Variants in SLC15A2 observed in about 807,000 individuals in gnomAD.
SLC15A2 encodes the protein solute carrier family 15 member 2.
Under a neutral mutation model 95.5 loss-of-function variants are expected in SLC15A2, and 77 were observed. The observed-to-expected ratio is 0.81, with a 90% CI of 0.67 to 0.97. The LOEUF is 0.97. SLC15A2 is among the 50% of genes least tolerant of loss of function. The pLI is 0.00. For missense variants in SLC15A2, 893 were observed against 874.4 expected (o/e 1.02, Z -0.27); for synonymous variants, 306 against 306.9 (o/e 1.00, Z 0.03).
chr3:121,899,010 G>C (rs1043515283), intron 3 of SLC15A2, among the ~76,000 whole-genome samples: 4 of 152,138 alleles, frequency 2.6e-5, no homozygotes, highest in Admixed American at 2.6e-4. Context: ...AGTTTATCTA[G>C]ATAGGAGATT....
intron 3 of SLC15A2, among the ~76,000 whole-genome samples, chr3:121,906,403 G>T (rs900932521): frequency 2.0e-5 from 3 of 152,210 alleles, no homozygotes; most frequent in South Asian, 2.1e-4. Context: ...CAATCATTAT[G>T]ATGTTAGCTG....
intron 21 of SLC15A2, 52 bp downstream of exon 21, chr3:121,940,540 C>G (rs751858564): frequency 7.1e-7 from 1 of 1,415,762 alleles, no homozygotes; most frequent in Non-Finnish European, 1.0e-6. Context: ...TTTCCTCCAG[C>G]TTTCTCTTCT....
chr3:121,894,660 C>A, intron 1 of SLC15A2, 79 bp downstream of exon 1: 1 of 1,073,352 alleles, frequency 9.3e-7, no homozygotes, highest in Non-Finnish European at 1.4e-6. Context: ...TCTGGAGCTT[C>A]CAGCTGAGCT....
At chr3:121,921,601 G>A (rs1165683705) in intron 7 of SLC15A2, among the ~76,000 whole-genome samples, 2 of 152,236 alleles carry the variant, frequency 1.3e-5, no homozygotes, top group South Asian at 2.1e-4. Context: ...ATAACCATTA[G>A]GATAACAATG....
In SLC15A2 at chr3:121,942,520, C is replaced by G. The variant is rs1710480615; in HGVS notation, c.*1513C>G. On this transcript the variant is annotated 3_prime_UTR_variant, in exon 22 of 22. Coordinates refer to ENST00000489711, the MANE Select transcript of SLC15A2 (RefSeq NM_021082.4). ...CTGTTAACAGGTAAGAGAAATTGCT[C>G]TAAGTGCCCAAACTTTATATACTTC... 6.6e-6 allele frequency: 1 copy of G among 152,170 alleles called. No homozygotes were observed. Among genetic ancestry groups the G allele is most frequent in the Non-Finnish European group, 1.5e-5 (1 of 68,022 alleles). 9.4% of individuals were successfully genotyped at this position (152,170 alleles called of 1,614,324 possible).
intron 5 of SLC15A2, among the ~76,000 whole-genome samples, chr3:121,914,668 A>G (rs1709845152): frequency 6.6e-6 from 1 of 152,194 alleles, no homozygotes; most frequent in South Asian, 2.1e-4. Flanking sequence ...ATGCTGTGCT[A>G]GGTATTGGTG....
chr3:121,917,603 G>C (rs4118376), intron 7 of SLC15A2, among the ~76,000 whole-genome samples: 1 of 151,940 alleles, frequency 6.6e-6, no homozygotes, highest in South Asian at 2.1e-4. Flanking sequence ...TGGGAGGATC[G>C]CTTGAGCCCA....
At chr3:121,922,966 A>G (rs1710037414) in intron 9 of SLC15A2, 74 bp from the exon 10 acceptor site, 1 of 1,557,506 alleles carries the variant, frequency 6.4e-7, no homozygotes, top group South Asian at 1.1e-5. Context: ...TGTTTTTTGG[A>G]CACTTCTACT....
At chr3:121,908,478 C>G (rs1279422051) in intron 3 of SLC15A2, among the ~76,000 whole-genome samples, 1 of 152,196 alleles carries the variant, frequency 6.6e-6, no homozygotes, top group Non-Finnish European at 1.5e-5. Context: ...ACGCTGGGAG[C>G]TACAGACCGG....
rs146005918 is a variant in SLC15A2 at position 121,915,578 on chromosome 3, T to G, written c.620-38T>G. On this transcript the variant is annotated intron_variant, in intron 6 of 21. Transcript: ENST00000489711. ...GAATAAAACATCAAATATTCAAGAC[T>G]CAGAGTTACTTTCCTCCTCCCATCC... 716 of 1,458,588 alleles carry G rather than the reference T, an allele frequency of 4.9e-4. 4 individuals are homozygous for G. The African/African-American group carries it at 8.9e-3, about 18-fold the overall frequency. 90.4% of individuals were successfully genotyped at this position (1,458,588 alleles called of 1,614,324 possible).
chr3:121,922,311 A>G lies in SLC15A2; in HGVS notation c.780+9A>G, dbSNP rs1381632797. On this transcript the variant is annotated intron_variant, in intron 8 of 21. Transcript: ENST00000489711. The stretch of plus-strand genomic sequence containing the variant: ...TTTTCAAATGTATCTGGGTAAGTCC[A>G]TAAATTGTTTTCTTGCCTTTTTCAA... 2 of 1,610,958 alleles carry G rather than the reference A, an allele frequency of 1.2e-6. No individual in the cohort carries two copies. The highest frequency in any genetic ancestry group is 4.5e-5 in the East Asian group (2 of 44,850).
rs1216160197 is a variant in SLC15A2, at chr3:121,922,220, T to C, written c.698T>C (p.Val233Ala). The C allele has an allele frequency of 6.2e-7, 1 of 1,613,192 alleles. No individual in the cohort carries two copies. Among genetic ancestry groups the C allele is most frequent in the Non-Finnish European group, 8.5e-7 (1 of 1,179,364 alleles). Residue 233 changes from valine to alanine, a missense_variant and splice_region_variant, in exon 8 of 22, where the codon GTT becomes GCT. Coordinates refer to ENST00000489711, the MANE Select transcript of SLC15A2 (RefSeq NM_021082.4). ...AACCTTGTTTGTGTATCAACTGCAG[T>C]TGTGTTTGCAATGGGAAGCAAAATA... Reference protein sequence around the residue: ...VPGLLMVIALVVFAMGSKIYN... With the variant: ...VPGLLMVIALAVFAMGSKIYN...
intron 12 of SLC15A2, 54 bp downstream of exon 12, chr3:121,924,437 C>G: frequency 1.4e-6 from 2 of 1,422,944 alleles, no homozygotes; most frequent in South Asian, 2.3e-5. Context: ...ATCTATGCCT[C>G]CACCTGCAGT....
chr3:121,922,142 T>TTTC, intron 7 of SLC15A2, 78 bp from the exon 8 acceptor site: 4 of 1,203,206 alleles, frequency 3.3e-6, no homozygotes, highest in South Asian at 1.3e-5. Flanking sequence ...CCATTGAAAG[T>TTTC]AATGGCAAAA....
chr3:121,924,944 G>A lies in SLC15A2; in HGVS notation c.1036-1G>A, dbSNP rs761517559. The A allele has an allele frequency of 2.5e-6, 4 of 1,600,482 alleles. No individual in the cohort carries two copies. The highest frequency in any genetic ancestry group is 3.4e-6 in the Non-Finnish European group (4 of 1,167,670). The stretch of plus-strand genomic sequence containing the variant: ...TAATCCTTTTTATCATGGTGTTACA[G>A]GTTCTAAATCCCCTTCTGGTTCTTA... On this transcript the variant is annotated splice_acceptor_variant, in intron 12 of 21. Transcript: ENST00000489711. LOFTEE classifies it high-confidence loss of function.
Position 121,927,782 on chromosome 3 carries a change from T to C in SLC15A2, c.1149T>C (p.Gly383=), listed in dbSNP as rs1349826920. ...GATCACTTAGGAAAATGGCTGTTGGTATGATCCTAGCATGCCTGGCATTTG... is the reference window on the plus strand; with the variant it reads ...GATCACTTAGGAAAATGGCTGTTGGCATGATCCTAGCATGCCTGGCATTTG... ...NFSSLRKMAV[G]MILACLAFAV... The change falls in exon 14 of 22, where the codon GGT becomes GGC. Residue 383 remains glycine, a synonymous_variant. Transcript: ENST00000489711. 1 of 1,613,842 alleles carries C rather than the reference T, an allele frequency of 6.2e-7. No individual in the cohort carries two copies. The highest frequency in any genetic ancestry group is 2.2e-5 in the East Asian group (1 of 44,882).
At chr3:121,900,487 A>G (rs1381075947) in intron 3 of SLC15A2, among the ~76,000 whole-genome samples, 2 of 152,162 alleles carry the variant, frequency 1.3e-5, no homozygotes, top group East Asian at 1.9e-4. Context: ...TCCTGATCAC[A>G]TTACTACTCT....
chr3:121,897,684 AAAG>A (rs1709445370), intron 3 of SLC15A2, among the ~76,000 whole-genome samples, 155 bp downstream of exon 3: 1 of 152,252 alleles, frequency 6.6e-6, no homozygotes, highest in Admixed American at 6.5e-5. Context: ...ATTTAAAAAA[AAAG>A]AATCTCTGTG....
rs1358846770 is a variant in SLC15A2 at position 121,941,442 on chromosome 3, C to T, written c.*435C>T. 6.5e-6 allele frequency: 1 copy of T among 152,890 alleles called. No individual in the cohort carries two copies. Among genetic ancestry groups the T allele is most frequent in the Non-Finnish European group, 1.5e-5 (1 of 68,928 alleles). The allele number at this position is 152,890 out of a possible 1,614,324, so 9.5% of individuals were successfully genotyped here. ...TATTTCAAGTTTTTTTTTTTATAAG[C>T]AATGTAATTATGCTATTCACAGGGG... On this transcript the variant is annotated 3_prime_UTR_variant, in exon 22 of 22. Coordinates refer to ENST00000489711, the MANE Select transcript of SLC15A2 (RefSeq NM_021082.4).
Sources: allele counts gnomAD v4.1 joint callset (sites outside exome capture counted in the v4.1 genomes callset), GRCh38; gene constraint gnomAD v4.1.1; transcripts MANE v1.5; gene names NCBI Gene and HGNC (gene_info 2026-07-23, HGNC 2026-07-21).